The following SND1 variants were observed in gnomAD, a reference collection of about 807,000 sequenced individuals.
SND1 encodes staphylococcal nuclease domain-containing protein 1.
A neutral mutation model predicts 121.7 loss-of-function variants in SND1; 38 were observed. The observed-to-expected ratio is 0.31, with a 90% CI of 0.24 to 0.41. The LOEUF (loss-of-function observed/expected upper bound fraction) is 0.41. Ranked by LOEUF, SND1 falls within the 10% of genes least tolerant of loss-of-function variation. The pLI is 1.00. For synonymous variants in SND1, 401 were observed against 447.4 expected, an observed-to-expected ratio of 0.90 and a Z score of 1.31; for missense variants, 868 against 1,184.6, an observed-to-expected ratio of 0.73 and a Z score of 3.92.
At chr7:128,035,795 G>A (rs547464366) in intron 16 of SND1, among the ~76,000 whole-genome samples, 1 of 152,292 alleles carries the variant, frequency 6.6e-6, no homozygotes, top group East Asian at 1.9e-4. Flanking sequence ...TGACAGAAAT[G>A]GTCATCTAGA....
rs1792532317 is a variant in SND1, at chr7:128,029,988, A to T, written c.1779+38932A>T. 6.2e-7 allele frequency: 1 copy of T among 1,612,996 alleles called. No homozygotes were observed. Among genetic ancestry groups the T allele is most frequent in the African/African-American group, 1.3e-5 (1 of 74,914 alleles). On this transcript the variant is annotated intron_variant, in intron 16 of 23. Coordinates refer to ENST00000354725, the MANE Select transcript of SND1 (RefSeq NM_014390.4). The surrounding 1 kb of genome is among the most constrained non-coding windows in gnomAD (Gnocchi z 4.2). ...TGACATCTCCAGCTCCTCCAGCCCC[A>T]CCAGGGGGGTGAGATTGGGCATGTC...
chr7:127,806,669 C>T (rs1488936476), intron 10 of SND1, among the ~76,000 whole-genome samples: 14 of 152,166 alleles, frequency 9.2e-5, no homozygotes, highest in Admixed American at 3.3e-4. Flanking sequence ...TTAATCAAAA[C>T]ACTTGTCCAG....
intron 12 of SND1, chr7:127,858,138 TGG>T: frequency 1.2e-6 from 1 of 845,626 alleles, no homozygotes; most frequent in Admixed American, 1.7e-5. Flanking sequence ...CTAGGGAGTG[TGG>T]GGGTGTGGGA....
At chr7:127,770,695 CT>C (rs1266926141) in intron 10 of SND1, among the ~76,000 whole-genome samples, 16 of 151,828 alleles carry the variant, frequency 1.1e-4, no homozygotes, top group Non-Finnish European at 1.6e-4. Flanking sequence ...CAATTCAGTG[CT>C]TTATCTAGGT....
intron 10 of SND1, among the ~76,000 whole-genome samples, chr7:127,778,719 A>C (rs372523975): frequency 6.6e-6 from 1 of 152,216 alleles, no homozygotes; most frequent in Non-Finnish European, 1.5e-5. Flanking sequence ...TGGGTCTCAC[A>C]TAGTGCTTAT....
At chr7:127,762,359 C>T (rs751863406) in intron 10 of SND1, among the ~76,000 whole-genome samples, 2 of 152,156 alleles carry the variant, frequency 1.3e-5, no homozygotes, top group African/African-American at 2.4e-5. Context: ...TCTTCTGAGA[C>T]CTCTCTTATT....
chr7:128,047,996 C>T (rs1390504437), intron 16 of SND1, among the ~76,000 whole-genome samples: 2 of 152,016 alleles, frequency 1.3e-5, no homozygotes, highest in Admixed American at 1.3e-4. Context: ...TACAGGCGCC[C>T]ACCATCATGC....
intron 16 of SND1, among the ~76,000 whole-genome samples, chr7:128,040,496 A>AG (rs1427190517): frequency 6.6e-6 from 1 of 150,992 alleles, no homozygotes; most frequent in Non-Finnish European, 1.5e-5. Context: ...AAAAAAAAAA[A>AG]GTGACATGGT....
chr7:128,057,650 G>C (rs572114001), intron 16 of SND1, among the ~76,000 whole-genome samples: 1 of 152,240 alleles, frequency 6.6e-6, no homozygotes, highest in South Asian at 2.1e-4. Context: ...TTTCCTAGAA[G>C]TCCCACCAAG....
At chr7:128,083,121 T>C (rs867372118) in intron 18 of SND1, among the ~76,000 whole-genome samples, 1 of 152,134 alleles carries the variant, frequency 6.6e-6, no homozygotes. Context: ...CCCTCTTGGG[T>C]GGCATCCTCT....
intron 10 of SND1, among the ~76,000 whole-genome samples, chr7:127,795,333 A>G (rs538838045): frequency 1.3e-5 from 2 of 152,314 alleles, no homozygotes; most frequent in South Asian, 2.1e-4. Context: ...TTTTCTTCCA[A>G]TTTAACCTCA....
At chr7:127,896,649 C>T (rs960766232) in intron 13 of SND1, among the ~76,000 whole-genome samples, 2 of 152,042 alleles carry the variant, frequency 1.3e-5, no homozygotes, top group African/African-American at 4.8e-5. Flanking sequence ...GAATTACAGT[C>T]GTGGTTATAA....
At chr7:127,939,063 G>T (rs1801126059) in intron 15 of SND1, among the ~76,000 whole-genome samples, 1 of 152,170 alleles carries the variant, frequency 6.6e-6, no homozygotes. Context: ...CTATACAAAT[G>T]AGAACAGCTC....
At chr7:127,950,928 G>C (rs1801447220) in intron 15 of SND1, among the ~76,000 whole-genome samples, 1 of 151,954 alleles carries the variant, frequency 6.6e-6, no homozygotes, top group African/African-American at 2.4e-5. Flanking sequence ...CACCATTTCA[G>C]AACAAATCTA....
rs117166104 is a variant in SND1 at position 128,092,101 on chromosome 7, C to G, written c.*43C>G. Reference sequence around the variant, plus strand: ...GCCCCCAGCCCCGCTCACGCCAGTCCCTCTTCCTCTGCCGGGAGGGTGTTT... The same window carrying G: ...GCCCCCAGCCCCGCTCACGCCAGTCGCTCTTCCTCTGCCGGGAGGGTGTTT... On this transcript the variant is annotated 3_prime_UTR_variant, in exon 24 of 24. Coordinates refer to ENST00000354725, the MANE Select transcript of SND1 (RefSeq NM_014390.4). This position sits in a 1 kb window ranked among gnomAD's most constrained non-coding sequence, Gnocchi z 4.9. The G allele has an allele frequency of 9.3e-3, 14,844 of 1,595,932 alleles. 104 individuals are homozygous for G. Among genetic ancestry groups the G allele is most frequent in the Non-Finnish European group, 0.011 (12,927 of 1,163,872 alleles).
rs184405678 is a variant in SND1 at position 128,080,695 on chromosome 7, C to T, written c.1969-665C>T. Among the ~76,000 whole-genome samples, 9 of 152,304 alleles carry T rather than the reference C, an allele frequency of 5.9e-5. No homozygotes were observed. The East Asian group carries it at 1.4e-3, about 23-fold the overall frequency. On this transcript the variant is annotated intron_variant, in intron 17 of 23. Coordinates refer to ENST00000354725, the MANE Select transcript of SND1 (RefSeq NM_014390.4). ...AGTTCATGAAAGCAGGGCTCTCACA[C>T]TCGGACGTGCATGAGATAGCCTGGG...
At position 127,798,050 on chromosome 7, in the gene SND1, AT is replaced by A. The variant is rs572585935; in HGVS notation, c.1153-9426del. ...GTAGAAGAACACTCTTTAGACGCAG[AT>A]TTTTTTTCTTACATGATGGTCTTGA... is the stretch of plus-strand genomic sequence containing the variant. On this transcript the variant is annotated intron_variant, in intron 10 of 23. Transcript: ENST00000354725. Among the ~76,000 whole-genome samples the A allele has an allele frequency of 1.4e-3, 213 of 152,132 alleles. 1 individual carries two copies. The highest frequency in any genetic ancestry group is 4.8e-3 in the African/African-American group (199 of 41,486).
At chr7:128,075,921 A>G (rs1051295189) in intron 17 of SND1, among the ~76,000 whole-genome samples, 3 of 152,148 alleles carry the variant, frequency 2.0e-5, no homozygotes, top group Non-Finnish European at 2.9e-5. Flanking sequence ...TGCCACCCCC[A>G]TGTCCTCTGC....
intron 13 of SND1, among the ~76,000 whole-genome samples, chr7:127,891,977 G>T (rs1340226168): frequency 6.6e-6 from 1 of 152,096 alleles, no homozygotes; most frequent in African/African-American, 2.4e-5. Context: ...AGGTGGCAAG[G>T]CATCATTCTG....
Sources: gnomAD v4.1 joint callset for allele counts (sites outside exome capture counted in the v4.1 genomes callset) on GRCh38, gnomAD v4.1.1 for gene constraint, Gnocchi (gnomAD v3.1) non-coding constraint, MANE v1.5 for transcripts, NCBI Gene and HGNC (gene_info 2026-07-23, HGNC 2026-07-21) for gene names.